CACNB2: variants seen among roughly 807,000 people sequenced by gnomAD.
CACNB2 encodes the protein voltage-dependent L-type calcium channel subunit beta-2.
CACNB2 carries 42 observed loss-of-function variants against 73.3 expected under a neutral mutation model. That is an observed-to-expected ratio of 0.57 (90% CI 0.45 to 0.74). CACNB2 has a LOEUF of 0.74. Among genes scored for constraint, CACNB2 ranks in the 30% least tolerant of loss-of-function variants. The pLI, the probability that CACNB2 is intolerant of heterozygous loss-of-function variation, is 0.00. For synonymous variants in CACNB2, 348 were observed against 310.3 expected (o/e 1.12, Z -1.28); for missense variants, 940 against 853.0 (o/e 1.10, Z -1.27).
At chr10:18,262,778 G>T (rs1388133168) in intron 2 of CACNB2, among the ~76,000 whole-genome samples, 1 of 152,114 alleles carries the variant, frequency 6.6e-6, no homozygotes, top group Non-Finnish European at 1.5e-5. Context: ...ATGGTTATGT[G>T]TGCCTATTGA....
In CACNB2 at chr10:18,538,337, T is replaced by G; in HGVS notation, c.1460T>G (p.Leu487Arg). 1 of 1,614,110 alleles carries G rather than the reference T, an allele frequency of 6.2e-7. No homozygotes were observed. Among genetic ancestry groups the G allele is most frequent in the Non-Finnish European group, 8.5e-7 (1 of 1,179,972 alleles). Residue 487 changes from leucine (L) to arginine (R), a missense_variant, in exon 13 of 14, where the codon CTT (leucine) becomes CGT (arginine). Transcript: ENST00000324631. ...SRTLATSSLP[L>R]SPTLASNSQG... is the part of the protein sequence containing the mutation. ...ACATTAGCCACTTCAAGTCTGCCTC[T>G]TAGCCCCACCCTAGCCTCTAATTCA...
chr10:18,359,204 C>A (rs1344996631), intron 2 of CACNB2, among the ~76,000 whole-genome samples: 3 of 151,998 alleles, frequency 2.0e-5, no homozygotes, highest in South Asian at 2.1e-4. Flanking sequence ...AAGCCTACCC[C>A]CACAAAAATA....
intron 3 of CACNB2, among the ~76,000 whole-genome samples, chr10:18,486,143 A>G (rs998883628): frequency 6.6e-6 from 1 of 152,162 alleles, no homozygotes; most frequent in Non-Finnish European, 1.5e-5. Context: ...AAGTAACTAT[A>G]TTAATCATGA....
intron 2 of CACNB2, among the ~76,000 whole-genome samples, chr10:18,364,878 G>A (rs548663411): frequency 5.3e-5 from 8 of 152,172 alleles, no homozygotes; most frequent in African/African-American, 1.7e-4. Flanking sequence ...GTATAATAGG[G>A]TTTAAAAGTG....
intron 2 of CACNB2, among the ~76,000 whole-genome samples, chr10:18,300,636 G>C (rs553008101): frequency 6.6e-6 from 1 of 152,222 alleles, no homozygotes; most frequent in East Asian, 1.9e-4. Context: ...GAATCACGAG[G>C]TCAGGAGTTC....
chr10:18,496,679 T>G (rs556594307), intron 3 of CACNB2, among the ~76,000 whole-genome samples: 2 of 151,742 alleles, frequency 1.3e-5, no homozygotes, highest in South Asian at 2.1e-4. Flanking sequence ...CTGGGCGTGG[T>G]GGCGGGTGCC....
At chr10:18,222,089 G>T (rs2035815431) in intron 2 of CACNB2, among the ~76,000 whole-genome samples, 1 of 152,210 alleles carries the variant, frequency 6.6e-6, no homozygotes. Context: ...ACCTGGCAGT[G>T]TGTATCCCTG....
chr10:18,455,240 A>G lies in CACNB2; in HGVS notation c.334-43115A>G, dbSNP rs2047220293. On this transcript the variant is annotated intron_variant, in intron 3 of 13. Coordinates refer to ENST00000324631, the MANE Select transcript of CACNB2 (RefSeq NM_201596.3). ...GTCATTGCACAGTTTGGAAAGGAAC[A>G]TGTGGGGGCTGGTTGACTCCAAGAG... Among the ~76,000 whole-genome samples the G allele has an allele frequency of 2.0e-5, 3 of 152,194 alleles. No individual in the cohort carries two copies. The South Asian group carries it at 6.2e-4, about 32-fold the overall frequency.
At chr10:18,162,393 A>T (rs1319310376) in intron 2 of CACNB2, among the ~76,000 whole-genome samples, 1 of 152,152 alleles carries the variant, frequency 6.6e-6, no homozygotes, top group East Asian at 1.9e-4. Flanking sequence ...AAAAAAAAAA[A>T]TCGAGGATCT....
At chr10:18,429,823 A>C (rs2045793101) in intron 3 of CACNB2, among the ~76,000 whole-genome samples, 2 of 151,454 alleles carry the variant, frequency 1.3e-5, no homozygotes, top group African/African-American at 4.9e-5. Context: ...AAAAAAAAAA[A>C]AAACAAATTA....
At chr10:18,262,103 G>A in intron 2 of CACNB2, 1 of 485,744 alleles carries the variant, frequency 2.1e-6, no homozygotes. Flanking sequence ...GCAAACTGCA[G>A]TGCTGAATTG....
At chr10:18,270,012 C>T (rs2037982328) in intron 2 of CACNB2, among the ~76,000 whole-genome samples, 1 of 152,168 alleles carries the variant, frequency 6.6e-6, no homozygotes, top group African/African-American at 2.4e-5. Context: ...ACAGTAACTG[C>T]AGTAGTCCAT....
chr10:18,443,192 A>T (rs181020007), intron 3 of CACNB2, among the ~76,000 whole-genome samples: 1 of 151,786 alleles, frequency 6.6e-6, no homozygotes, highest in Admixed American at 6.6e-5. Context: ...TTAATCCCCA[A>T]TTCAGTGCCT....
chr10:18,539,878 T>C lies in CACNB2; in HGVS notation c.*154T>C, dbSNP rs2053973577. ...TGCTGTTGCTTGAATAGCAATAGCA[T>C]GGATAGAGTATTGAGATACTTTTTC... On this transcript the variant is annotated 3_prime_UTR_variant, in exon 14 of 14. Transcript: ENST00000324631. The C allele has an allele frequency of 5.0e-6, 4 of 807,912 alleles. No individual in the cohort carries two copies. The South Asian group carries it at 7.3e-5, about 15-fold the overall frequency. 50.0% of individuals were successfully genotyped at this position (807,912 alleles called of 1,614,324 possible).
chr10:18,198,911 C>G (rs1018918339), intron 2 of CACNB2, among the ~76,000 whole-genome samples: 6 of 152,292 alleles, frequency 3.9e-5, no homozygotes, highest in Admixed American at 1.3e-4. Context: ...TTAAAATTCA[C>G]TCATTAATAT....
At chr10:18,443,018 A>ATATATATACGTATATATATATATG in intron 3 of CACNB2, among the ~76,000 whole-genome samples, 1 of 69,984 alleles carries the variant, frequency 1.4e-5, no homozygotes, top group East Asian at 8.7e-4. Context: ...ATATATGTAT[A>ATATATATACGTATATATATATATG]TATATATATA....
chr10:18,140,539 C>G lies in CACNB2; in HGVS notation c.-198C>G, dbSNP rs2030271107. On this transcript the variant is annotated 5_prime_UTR_variant, in exon 1 of 14. Coordinates refer to ENST00000324631, the MANE Select transcript of CACNB2 (RefSeq NM_201596.3). ...CCGAGCGGCTCGCTTCGCCCGATGCCCCGGCCCCGTCCCGCGCACTGAGCG... is the reference window on the plus strand; with the variant it reads ...CCGAGCGGCTCGCTTCGCCCGATGCGCCGGCCCCGTCCCGCGCACTGAGCG... 2.9e-6 allele frequency: 1 copy of G among 344,284 alleles called. No homozygotes were observed. The highest frequency in any genetic ancestry group is 4.7e-5 in the East Asian group (1 of 21,334). 21.3% of individuals were successfully genotyped at this position (344,284 alleles called of 1,614,324 possible).
At chr10:18,421,554 C>T (rs1192520875) in intron 3 of CACNB2, among the ~76,000 whole-genome samples, 1 of 152,168 alleles carries the variant, frequency 6.6e-6, no homozygotes, top group African/African-American at 2.4e-5. Flanking sequence ...CCCACCTCAA[C>T]CTCCCAAAGT....
At chr10:18,253,036 T>G (rs916529495) in intron 2 of CACNB2, among the ~76,000 whole-genome samples, 2 of 152,230 alleles carry the variant, frequency 1.3e-5, no homozygotes, top group Non-Finnish European at 2.9e-5. Flanking sequence ...AACATCTGGA[T>G]AGAAGTTCTA....
Sources: gnomAD v4.1 joint callset for allele counts (sites outside exome capture counted in the v4.1 genomes callset) on GRCh38, gnomAD v4.1.1 for gene constraint, MANE v1.5 for transcripts, NCBI Gene and HGNC (gene_info 2026-07-23, HGNC 2026-07-21) for gene names.